LTBP1: variants seen among roughly 807,000 people sequenced by gnomAD.
The protein encoded by LTBP1 is latent transforming growth factor beta binding protein 1.
LTBP1 carries 129 observed loss-of-function variants against 207.6 expected under a neutral mutation model. The observed-to-expected ratio is 0.62, with a 90% confidence interval of 0.54 to 0.72. LTBP1 has a LOEUF of 0.72. Ranked by LOEUF, LTBP1 falls within the 30% of genes least tolerant of loss-of-function variation. The pLI is 0.00. For missense variants in LTBP1, 2,281 were observed against 2,217.2 expected (o/e 1.03, Z -0.58); for synonymous variants, 963 against 833.7 (o/e 1.16, Z -2.67).
intron 5 of LTBP1, among the ~76,000 whole-genome samples, chr2:33,138,535 G>T (rs1270885785): frequency 1.3e-5 from 2 of 152,010 alleles, no homozygotes; most frequent in East Asian, 1.9e-4. Context: ...GTGGGCTGCA[G>T]GTTCACCGTT....
At chr2:33,010,633 C>T (rs928183036) in intron 2 of LTBP1, among the ~76,000 whole-genome samples, 1 of 151,802 alleles carries the variant, frequency 6.6e-6, no homozygotes, top group African/African-American at 2.4e-5. Context: ...ACATGGACCC[C>T]ATAAACATGT....
chr2:33,023,700 C>T lies in LTBP1; in HGVS notation c.863+2494C>T, dbSNP rs998745902. On this transcript the variant is annotated intron_variant, in intron 3 of 33. Transcript: ENST00000404816. ...TCCCTGCAGAGAAGATTAAGATGTACAAGATCCAGTCCTGCTCTTAAGGAG... is the reference window on the plus strand; with the variant it reads ...TCCCTGCAGAGAAGATTAAGATGTATAAGATCCAGTCCTGCTCTTAAGGAG... Among the ~76,000 whole-genome samples, 6 of 152,162 alleles carry T rather than the reference C, an allele frequency of 3.9e-5. 1 individual carries two copies. Among genetic ancestry groups the T allele is most frequent in the Non-Finnish European group, 5.9e-5 (4 of 68,030 alleles).
intron 7 of LTBP1, among the ~76,000 whole-genome samples, chr2:33,211,621 C>G (rs988970920): frequency 3.3e-5 from 5 of 152,208 alleles, no homozygotes; most frequent in Admixed American, 1.3e-4. Flanking sequence ...CTGGATCCTC[C>G]TTCCCCAGGA....
intron 2 of LTBP1, among the ~76,000 whole-genome samples, chr2:33,007,611 G>A (rs1384149078): frequency 2.6e-5 from 4 of 152,186 alleles, no homozygotes; most frequent in Non-Finnish European, 4.4e-5. Context: ...GTAGCATATT[G>A]TGCTTGACTC....
intron 5 of LTBP1, among the ~76,000 whole-genome samples, chr2:33,182,403 C>CT (rs1481860647): frequency 9.2e-5 from 14 of 151,890 alleles, no homozygotes; most frequent in African/African-American, 3.4e-4. Flanking sequence ...TGGCTCACAC[C>CT]TGTAATCTCA....
At position 33,240,885 on chromosome 2, in the gene LTBP1, C is replaced by T. The variant is rs142429095; in HGVS notation, c.1877-2777C>T. On this transcript the variant is annotated intron_variant, in intron 9 of 33. Coordinates refer to ENST00000404816, the MANE Select transcript of LTBP1 (RefSeq NM_206943.4). The stretch of plus-strand genomic sequence containing the variant: ...CAGGATGGTCTCGATCTCCTGACTT[C>T]GTGATCTGCCCACCTCGGCCTCCCA... Among the ~76,000 whole-genome samples the T allele has an allele frequency of 8.1e-3, 1,232 of 152,068 alleles. 21 individuals are homozygous for T. The highest frequency in any genetic ancestry group is 0.028 in the African/African-American group (1,170 of 41,496).
intron 7 of LTBP1, among the ~76,000 whole-genome samples, chr2:33,193,262 C>T (rs993142543): frequency 6.6e-6 from 1 of 152,142 alleles, no homozygotes; most frequent in Non-Finnish European, 1.5e-5. Flanking sequence ...CTGCCTCAGC[C>T]TCCCGAGTGG....
At chr2:32,962,733 A>G (rs1679322946) in intron 2 of LTBP1, among the ~76,000 whole-genome samples, 1 of 152,280 alleles carries the variant, frequency 6.6e-6, no homozygotes, top group African/African-American at 2.4e-5. Flanking sequence ...CCTTTAATAC[A>G]GAGTGCTTGA....
intron 4 of LTBP1, among the ~76,000 whole-genome samples, chr2:33,124,849 C>T (rs758746742): frequency 6.6e-6 from 1 of 152,156 alleles, no homozygotes; most frequent in Non-Finnish European, 1.5e-5. Context: ...GGTTGGATGG[C>T]GTTATTCTGA....
intron 3 of LTBP1, among the ~76,000 whole-genome samples, chr2:33,065,972 T>C (rs2077488908): frequency 6.6e-6 from 1 of 152,206 alleles, no homozygotes; most frequent in Admixed American, 6.5e-5. Flanking sequence ...TGAGGTTAAA[T>C]AGTAGTAGTT....
At chr2:33,311,092 C>A (rs2094179804) in intron 23 of LTBP1, among the ~76,000 whole-genome samples, 1 of 152,086 alleles carries the variant, frequency 6.6e-6, no homozygotes, top group Admixed American at 6.6e-5. Flanking sequence ...AAATAACAGT[C>A]TTCTTGTAGG....
At chr2:33,179,695 A>C (rs1220783720) in intron 5 of LTBP1, among the ~76,000 whole-genome samples, 1 of 143,444 alleles carries the variant, frequency 7.0e-6, no homozygotes, top group Non-Finnish European at 1.5e-5. Flanking sequence ...TTATTTAAAA[A>C]TGTAAAATAA....
At chr2:33,254,355 G>A (rs1466238915) in intron 11 of LTBP1, among the ~76,000 whole-genome samples, 1 of 151,940 alleles carries the variant, frequency 6.6e-6, no homozygotes, top group African/African-American at 2.4e-5. Flanking sequence ...GGTAAAAGTG[G>A]AAGCTCAATT....
chr2:33,098,827 G>A (rs902102402), intron 3 of LTBP1, among the ~76,000 whole-genome samples: 13 of 152,124 alleles, frequency 8.5e-5, no homozygotes, highest in Non-Finnish European at 1.3e-4. Flanking sequence ...TGCAAAGTAG[G>A]GCAACTAGCC....
At chr2:33,177,822 G>A (rs983026379) in intron 5 of LTBP1, among the ~76,000 whole-genome samples, 17 of 152,332 alleles carry the variant, frequency 1.1e-4, no homozygotes, top group Middle Eastern at 3.4e-3. Flanking sequence ...TGAAGGCTGT[G>A]TAGTAAGAAA....
intron 19 of LTBP1, among the ~76,000 whole-genome samples, chr2:33,283,482 G>A (rs1006070386): frequency 7.9e-6 from 1 of 127,312 alleles, no homozygotes; most frequent in African/African-American, 3.0e-5. Context: ...TTTCGCCCAG[G>A]CTGAAGTGGA....
chr2:33,100,845 G>A (rs2079690234), intron 3 of LTBP1, among the ~76,000 whole-genome samples: 1 of 152,190 alleles, frequency 6.6e-6, no homozygotes, highest in Non-Finnish European at 1.5e-5. Context: ...ATGTTTTCAA[G>A]GTTCATCTGT....
At chr2:33,329,152 A>G (rs2094464923) in intron 24 of LTBP1, among the ~76,000 whole-genome samples, 1 of 152,196 alleles carries the variant, frequency 6.6e-6, no homozygotes, top group Admixed American at 6.5e-5. Flanking sequence ...AGAGTCTCAG[A>G]TCCACATTAT....
At chr2:33,386,862 G>A (rs1218383649) in intron 31 of LTBP1, among the ~76,000 whole-genome samples, 5 of 131,630 alleles carry the variant, frequency 3.8e-5, no homozygotes, top group Admixed American at 3.7e-4. Context: ...ACGGAGTCTC[G>A]CTCTATCACC....
Sources: gnomAD v4.1 joint callset for allele counts (sites outside exome capture counted in the v4.1 genomes callset) on GRCh38, gnomAD v4.1.1 for gene constraint, MANE v1.5 for transcripts, NCBI Gene and HGNC (gene_info 2026-07-23, HGNC 2026-07-21) for gene names.